LMNTD1: variants seen among roughly 807,000 people sequenced by gnomAD.
The protein encoded by LMNTD1 is lamin tail domain-containing protein 1.
A neutral mutation model predicts 50.9 loss-of-function variants in LMNTD1; 35 were observed. The observed-to-expected ratio is 0.69, with a 90% CI of 0.53 to 0.91. The LOEUF is 0.91. LMNTD1 is among the 40% of genes least tolerant of loss of function. LMNTD1 has a pLI of 0.00. For missense variants in LMNTD1, 470 were observed against 475.5 expected (o/e 0.99, Z 0.11); for synonymous variants, 153 against 161.9 (o/e 0.94, Z 0.42).
intron 1 of LMNTD1, among the ~76,000 whole-genome samples, chr12:25,646,545 G>A (rs1432260011): frequency 1.3e-5 from 2 of 152,118 alleles, no homozygotes; most frequent in African/African-American, 4.8e-5. Context: ...GCTGGGTCAA[G>A]AGGGGTGATG....
intron 1 of LMNTD1, among the ~76,000 whole-genome samples, chr12:25,579,294 T>TA (rs377133112): frequency 6.6e-6 from 1 of 152,102 alleles, no homozygotes; most frequent in Non-Finnish European, 1.5e-5. Flanking sequence ...TATTATTACC[T>TA]AAAAAACACA....
intron 8 of LMNTD1, among the ~76,000 whole-genome samples, 168 bp downstream of exon 8, chr12:25,518,627 G>A (rs1940981174): frequency 6.6e-6 from 1 of 152,100 alleles, no homozygotes; most frequent in East Asian, 1.9e-4. Flanking sequence ...ACTGTGCTAG[G>A]GGAAATGTAA....
chr12:25,561,252 T>C (rs1170194054), intron 1 of LMNTD1, among the ~76,000 whole-genome samples: 1 of 152,230 alleles, frequency 6.6e-6, no homozygotes, highest in Non-Finnish European at 1.5e-5. Flanking sequence ...CAATTTTAGG[T>C]CTTTCCTGCT....
At position 25,535,766 on chromosome 12, in the gene LMNTD1, A is replaced by G. The variant is rs890953629; in HGVS notation, c.492-8811T>C. Among the ~76,000 whole-genome samples, 11 of 152,266 alleles carry G rather than the reference A, an allele frequency of 7.2e-5. No homozygotes were observed. The East Asian group carries it at 7.7e-4, about 11-fold the overall frequency. On this transcript the variant is annotated intron_variant, in intron 4 of 9. Coordinates refer to ENST00000458174, the MANE Select transcript of LMNTD1 (RefSeq NM_001145728.2). ...AAATGTAAATAGTTTAAATGCCCCA[A>G]TGAAAAGACAGAGATTTTTCAGATT...
intron 8 of LMNTD1, among the ~76,000 whole-genome samples, chr12:25,514,380 A>T (rs1394186755): frequency 1.3e-5 from 2 of 152,216 alleles, no homozygotes; most frequent in Non-Finnish European, 2.9e-5. Context: ...ATATACAAAA[A>T]GCAAATTGGA....
At chr12:25,504,838 T>C (rs1939631513) in intron 8 of LMNTD1, among the ~76,000 whole-genome samples, 1 of 152,232 alleles carries the variant, frequency 6.6e-6, no homozygotes. Context: ...CAGTATAAAC[T>C]TGCTAAATAG....
Position 25,552,947 on chromosome 12 carries a change from G to T in LMNTD1, c.13C>A (p.Gln5Lys). 1.3e-6 allele frequency: 2 copies of T among 1,578,492 alleles called. No individual in the cohort carries two copies. Among genetic ancestry groups the T allele is most frequent in the South Asian group, 2.3e-5 (2 of 86,994 alleles). Residue 5 changes from glutamine to lysine, a missense_variant, in exon 2 of 10, where the codon CAA becomes AAA. Physicochemically the swap from Gln to Lys is moderately conservative, Grantham distance 53. Coordinates refer to ENST00000458174, the MANE Select transcript of LMNTD1 (RefSeq NM_001145728.2). MKDT[Q>K]DIQEASKAMQ... ...GCCTTCGAAGCTTCCTGAATGTCTT[G>T]TGTATCTTTCATCTTGGCTAGAAAA... is the stretch of plus-strand genomic sequence containing the variant.
In LMNTD1 at chr12:25,518,960, C is replaced by T; in HGVS notation, c.1024G>A (p.Glu342Lys). 3 of 1,613,918 alleles carry T rather than the reference C, an allele frequency of 1.9e-6. No homozygotes were observed. Among genetic ancestry groups the T allele is most frequent in the Non-Finnish European group, 2.5e-6 (3 of 1,179,920 alleles). ...TTAGGGAAAACGGTTGGTGGGATTT[C>T]CTTCTCTCTGTAAAAGAAAAAAGCC... ...QAQVLLKREK[E>K]IPPTVFPNRS... The change falls in exon 8 of 10, where the codon GAA becomes AAA. Residue 342 changes from glutamate to lysine, a missense_variant. Transcript: ENST00000458174.
At chr12:25,633,601 T>C (rs951680665) in intron 1 of LMNTD1, among the ~76,000 whole-genome samples, 1 of 152,148 alleles carries the variant, frequency 6.6e-6, no homozygotes, top group African/African-American at 2.4e-5. Flanking sequence ...GAAATCAAGA[T>C]GTAAATCTAA....
chr12:25,481,266 C>G (rs1323256262), intron 9 of LMNTD1, among the ~76,000 whole-genome samples: 1 of 152,102 alleles, frequency 6.6e-6, no homozygotes, highest in South Asian at 2.1e-4. Context: ...CATATCACCA[C>G]CTTCCAACAT....
intron 1 of LMNTD1, among the ~76,000 whole-genome samples, chr12:25,625,572 C>T (rs891021529): frequency 1.3e-5 from 2 of 152,172 alleles, no homozygotes; most frequent in South Asian, 2.1e-4. Flanking sequence ...ACCTTCCATG[C>T]CTTCTCCAAT....
intron 4 of LMNTD1, among the ~76,000 whole-genome samples, chr12:25,533,895 G>A: frequency 6.6e-6 from 1 of 152,182 alleles, no homozygotes. Context: ...CCATTCGTGT[G>A]TTTATCATGA....
intron 4 of LMNTD1, among the ~76,000 whole-genome samples, chr12:25,529,462 A>T (rs966003676): frequency 6.6e-6 from 1 of 152,176 alleles, no homozygotes; most frequent in African/African-American, 2.4e-5. Flanking sequence ...CCCAACTAGG[A>T]AACTATTCCA....
intron 9 of LMNTD1, among the ~76,000 whole-genome samples, chr12:25,493,131 A>G (rs927730260): frequency 1.3e-5 from 2 of 152,204 alleles, no homozygotes; most frequent in Admixed American, 1.3e-4. Context: ...TAGTACTTCT[A>G]TGATTCTTTA....
At chr12:25,478,404 G>T (rs545703051) in intron 9 of LMNTD1, among the ~76,000 whole-genome samples, 8 of 152,294 alleles carry the variant, frequency 5.3e-5, no homozygotes, top group African/African-American at 1.9e-4. Flanking sequence ...GATGTGATGT[G>T]CTGATGTGAA....
chr12:25,510,409 T>C (rs1036280408), intron 8 of LMNTD1, among the ~76,000 whole-genome samples: 7 of 152,166 alleles, frequency 4.6e-5, no homozygotes, highest in Non-Finnish European at 2.9e-5. Flanking sequence ...ATGATGTACA[T>C]AGATGTGGTT....
intron 1 of LMNTD1, among the ~76,000 whole-genome samples, chr12:25,564,172 G>T (rs779926041): frequency 1.3e-5 from 2 of 152,226 alleles, no homozygotes; most frequent in Admixed American, 1.3e-4. Flanking sequence ...AGATGAACCC[G>T]GTACCTCAGC....
intron 9 of LMNTD1, among the ~76,000 whole-genome samples, chr12:25,489,938 A>C (rs186518634): frequency 6.6e-5 from 10 of 152,330 alleles, no homozygotes; most frequent in African/African-American, 1.9e-4. Context: ...TGCCAAAGAG[A>C]AACTGTAAAA....
chr12:25,506,479 ATCTT>A (rs1267185360), intron 8 of LMNTD1, among the ~76,000 whole-genome samples: 1 of 152,182 alleles, frequency 6.6e-6, no homozygotes, highest in Non-Finnish European at 1.5e-5. Flanking sequence ...GCAAAATACT[ATCTT>A]CAGACTAGTT....
Sources: gnomAD v4.1 joint callset for allele counts (sites outside exome capture counted in the v4.1 genomes callset) on GRCh38, gnomAD v4.1.1 for gene constraint, MANE v1.5 for transcripts, NCBI Gene and HGNC (gene_info 2026-07-23, HGNC 2026-07-21) for gene names.